Variants in CTNNA3 observed in about 807,000 individuals in gnomAD.
CTNNA3 encodes the protein catenin alpha-3.
A neutral mutation model predicts 95.7 loss-of-function variants in CTNNA3; 76 were observed. The observed-to-expected ratio is 0.79, with a 90% confidence interval of 0.66 to 0.96. The LOEUF (loss-of-function observed/expected upper bound fraction) is 0.96. CTNNA3 is among the 40% of genes least tolerant of loss of function. The pLI is 0.00. For missense variants in CTNNA3, 1,191 were observed against 1,089.8 expected (o/e 1.09, Z -1.31); for synonymous variants, 431 against 374.4 (o/e 1.15, Z -1.74).
Position 67,369,160 on chromosome 10 carries a change from G to A in CTNNA3, c.580-149290C>T, listed in dbSNP as rs143256430. 1.9e-3 allele frequency among the ~76,000 whole-genome samples: 291 copies of A among 152,054 alleles called. 2 individuals are homozygous for A. Among genetic ancestry groups the A allele is most frequent in the African/African-American group, 6.8e-3 (280 of 41,472 alleles). The stretch of plus-strand genomic sequence containing the variant: ...CAATAAATCTATTTTTAAAGCCTTG[G>A]TAATTAAAATACTGATGCTGTAAGA... On this transcript the variant is annotated intron_variant, in intron 5 of 17. Coordinates refer to ENST00000433211, the MANE Select transcript of CTNNA3 (RefSeq NM_013266.4).
chr10:67,164,824 T>C (rs1033026375), intron 7 of CTNNA3, among the ~76,000 whole-genome samples: 1 of 152,168 alleles, frequency 6.6e-6, no homozygotes, highest in Non-Finnish European at 1.5e-5. Flanking sequence ...ATGAAGATCA[T>C]AATATCACTA....
At chr10:66,533,933 T>C (rs1023640598) in intron 10 of CTNNA3, among the ~76,000 whole-genome samples, 1 of 152,128 alleles carries the variant, frequency 6.6e-6, no homozygotes, top group Non-Finnish European at 1.5e-5. Flanking sequence ...TTTTTTAATG[T>C]ACGTATCATT....
chr10:66,239,883 C>T (rs1202908708), intron 13 of CTNNA3, among the ~76,000 whole-genome samples: 1 of 151,738 alleles, frequency 6.6e-6, no homozygotes, highest in East Asian at 1.9e-4. Flanking sequence ...ATTCCTCTGC[C>T]CACTATTCTA....
At chr10:67,559,785 T>C (rs1841419530) in intron 3 of CTNNA3, among the ~76,000 whole-genome samples, 1 of 152,020 alleles carries the variant, frequency 6.6e-6, no homozygotes, top group African/African-American at 2.4e-5. Context: ...TACAGAGAAG[T>C]GCTTAAAGGA....
chr10:67,606,840 A>G lies in CTNNA3; in HGVS notation c.292+17T>C. The G allele has an allele frequency of 4.4e-6, 7 of 1,594,128 alleles. No homozygotes were observed. Among genetic ancestry groups the G allele is most frequent in the Non-Finnish European group, 6.0e-6 (7 of 1,167,732 alleles). On this transcript the variant is annotated intron_variant, in intron 3 of 17. Transcript: ENST00000433211. ...AAAGATATGCAGTTTGCTCCTGACC[A>G]GGATTGGAGTACTCACTTTCTTTGC...
intron 16 of CTNNA3, among the ~76,000 whole-genome samples, chr10:65,983,229 C>CA (rs2078360800): frequency 6.6e-6 from 1 of 151,614 alleles, no homozygotes; most frequent in Non-Finnish European, 1.5e-5. Context: ...GGCAAAATTA[C>CA]AAGGAGGAAG....
chr10:67,440,778 G>A (rs1487863659), intron 5 of CTNNA3, among the ~76,000 whole-genome samples: 2 of 151,776 alleles, frequency 1.3e-5, no homozygotes, highest in African/African-American at 4.8e-5. Context: ...GCATTATTGG[G>A]CCTGGGGCCC....
intron 1 of CTNNA3, among the ~76,000 whole-genome samples, chr10:67,652,338 G>T (rs2133496002): frequency 6.6e-6 from 1 of 152,288 alleles, no homozygotes; most frequent in East Asian, 1.9e-4. Context: ...CTTTCTGGCA[G>T]GTCTACCATT....
At chr10:66,270,192 C>G (rs2091247037) in intron 13 of CTNNA3, among the ~76,000 whole-genome samples, 1 of 140,822 alleles carries the variant, frequency 7.1e-6, no homozygotes, top group African/African-American at 2.8e-5. Context: ...AAATCAACCA[C>G]TTTATTTAAT....
chr10:67,479,813 A>T (rs1465240805), intron 5 of CTNNA3, among the ~76,000 whole-genome samples: 1 of 152,160 alleles, frequency 6.6e-6, no homozygotes, highest in Admixed American at 6.5e-5. Context: ...GTTTTTTGCA[A>T]GGATAGACAA....
At chr10:66,639,668 TA>T (rs987808358) in intron 9 of CTNNA3, among the ~76,000 whole-genome samples, 1 of 152,124 alleles carries the variant, frequency 6.6e-6, no homozygotes, top group African/African-American at 2.4e-5. Context: ...AGTAAAAAGA[TA>T]AAACTTGAAG....
chr10:66,277,900 T>A (rs912884329), intron 13 of CTNNA3, among the ~76,000 whole-genome samples: 2 of 151,968 alleles, frequency 1.3e-5, no homozygotes, highest in African/African-American at 4.8e-5. Context: ...GCATGGAACA[T>A]CAGATACTAA....
chr10:67,645,965 C>T (rs1402821059), intron 2 of CTNNA3, among the ~76,000 whole-genome samples: 3 of 146,568 alleles, frequency 2.0e-5, no homozygotes, highest in Non-Finnish European at 4.5e-5. Context: ...AATATATATA[C>T]GTGTAAGGAT....
intron 5 of CTNNA3, among the ~76,000 whole-genome samples, chr10:67,252,023 A>G (rs757886598): frequency 5.9e-5 from 9 of 152,060 alleles, no homozygotes; most frequent in Non-Finnish European, 1.2e-4. Flanking sequence ...CAGCCTGGCC[A>G]ACACGGTGAA....
chr10:67,595,402 A>G (rs961764575), intron 3 of CTNNA3, among the ~76,000 whole-genome samples: 7 of 152,206 alleles, frequency 4.6e-5, no homozygotes, highest in African/African-American at 1.7e-4. Context: ...CCCAAAAGTC[A>G]TTCAGGAGCA....
At chr10:66,926,603 TTTC>T in intron 7 of CTNNA3, 1 of 1,613,982 alleles carries the variant, frequency 6.2e-7, no homozygotes, top group Non-Finnish European at 8.5e-7. Context: ...TTTTGTCATT[TTTC>T]TTCTTTCCTT....
intron 1 of CTNNA3, chr10:67,750,452 G>T (rs1052699301): frequency 2.0e-6 from 3 of 1,504,766 alleles, no homozygotes; most frequent in Non-Finnish European, 2.8e-6. Flanking sequence ...TGAGGTGGGG[G>T]AAGCCATCCA....
At chr10:66,365,577 T>A (rs893801494) in intron 12 of CTNNA3, among the ~76,000 whole-genome samples, 3 of 152,172 alleles carry the variant, frequency 2.0e-5, no homozygotes, top group African/African-American at 7.2e-5. Flanking sequence ...TGGGACCATA[T>A]GAAGCATATC....
intron 14 of CTNNA3, among the ~76,000 whole-genome samples, chr10:66,073,822 T>C (rs1248556867): frequency 6.6e-6 from 1 of 152,080 alleles, no homozygotes; most frequent in Admixed American, 6.6e-5. Flanking sequence ...AAATAAAGGG[T>C]ATCAATTCCT....
Sources: allele counts gnomAD v4.1 joint callset (sites outside exome capture counted in the v4.1 genomes callset), GRCh38; gene constraint gnomAD v4.1.1; transcripts MANE v1.5; gene names NCBI Gene and HGNC (gene_info 2026-07-23, HGNC 2026-07-21).